Variants in HNRNPC observed in about 807,000 individuals in gnomAD.
The protein encoded by HNRNPC is heterogeneous nuclear ribonucleoproteins C1/C2.
Under a neutral mutation model 33.2 loss-of-function variants are expected in HNRNPC, and 3 were observed. The observed-to-expected ratio is 0.09, with a 90% CI of 0.04 to 0.23. HNRNPC has a LOEUF of 0.23. Ranked by LOEUF, HNRNPC falls within the 10% of genes least tolerant of loss-of-function variation. The pLI, the probability that HNRNPC is intolerant of heterozygous loss-of-function variation, is 1.00. For synonymous variants in HNRNPC, 121 were observed against 126.7 expected, an observed-to-expected ratio of 0.96 and a Z score of 0.30; for missense variants, 143 against 366.7, an observed-to-expected ratio of 0.39 and a Z score of 4.98.
intron 2 of HNRNPC, among the ~76,000 whole-genome samples, chr14:21,260,053 A>G (rs1024184238): frequency 6.8e-6 from 1 of 147,468 alleles, no homozygotes; most frequent in Non-Finnish European, 1.5e-5. Flanking sequence ...CAAAAAAATT[A>G]GCCGGGCGTA....
At chr14:21,235,913 G>GA (rs1384226599) in intron 2 of HNRNPC, among the ~76,000 whole-genome samples, 1 of 152,052 alleles carries the variant, frequency 6.6e-6, no homozygotes, top group South Asian at 2.1e-4. Flanking sequence ...GACCATAAGG[G>GA]AAAAAACCCA....
At chr14:21,258,293 G>T (rs947806737) in intron 2 of HNRNPC, among the ~76,000 whole-genome samples, 1 of 151,938 alleles carries the variant, frequency 6.6e-6, no homozygotes, top group Admixed American at 6.6e-5. Context: ...AGGAGGCGGA[G>T]GCACAAGAAT....
chr14:21,262,286 A>C (rs1878375313), intron 2 of HNRNPC, among the ~76,000 whole-genome samples: 1 of 152,238 alleles, frequency 6.6e-6, no homozygotes, highest in Admixed American at 6.5e-5. Context: ...ACTGATTTGT[A>C]ACAATCTAAA....
At chr14:21,260,118 T>C (rs1226268742) in intron 2 of HNRNPC, among the ~76,000 whole-genome samples, 1 of 140,752 alleles carries the variant, frequency 7.1e-6, no homozygotes, top group Admixed American at 7.4e-5. Flanking sequence ...GAGAATGGCG[T>C]GAACCTGGGA....
intron 3 of HNRNPC, among the ~76,000 whole-genome samples, chr14:21,233,491 T>C (rs1158446807): frequency 6.6e-6 from 1 of 152,254 alleles, no homozygotes; most frequent in East Asian, 1.9e-4. Flanking sequence ...CACTGGATTC[T>C]GGCTTGAATA....
intron 5 of HNRNPC, among the ~76,000 whole-genome samples, chr14:21,217,652 A>C (rs1433659596): frequency 6.6e-6 from 1 of 152,234 alleles, no homozygotes; most frequent in African/African-American, 2.4e-5. Flanking sequence ...AGCCAATGGC[A>C]TCAATCAATA....
At chr14:21,240,667 A>G (rs915754002) in intron 2 of HNRNPC, among the ~76,000 whole-genome samples, 4 of 152,150 alleles carry the variant, frequency 2.6e-5, no homozygotes, top group Admixed American at 2.6e-4. Context: ...GTCACAGGAG[A>G]TAGGTGCCGT....
chr14:21,230,469 C>T, intron 4 of HNRNPC, 103 bp from the exon 5 acceptor site: 1 of 776,122 alleles, frequency 1.3e-6, no homozygotes, highest in Admixed American at 2.1e-5. Context: ...ACAAATAGAT[C>T]AACAAGATTA....
Position 21,209,698 on chromosome 14 carries a change from G to A in HNRNPC, c.*1525C>T, listed in dbSNP as rs567854373. 2 of 152,264 alleles carry A rather than the reference G, an allele frequency of 1.3e-5. No individual in the cohort carries two copies. The highest frequency in any genetic ancestry group is 4.8e-5 in the African/African-American group (2 of 41,540). The allele number at this position is 152,264 out of a possible 1,614,324, so 9.4% of individuals were successfully genotyped here. The stretch of plus-strand genomic sequence containing the variant: ...GAGTTTTGCCTGTAATGAGTAGGAT[G>A]AAAAAAGGCCAGTGCCGCATGCTAT... On this transcript the variant is annotated 3_prime_UTR_variant, in exon 9 of 9. Transcript: ENST00000553300.
chr14:21,242,808 A>C (rs372552155), intron 2 of HNRNPC, among the ~76,000 whole-genome samples: 56 of 152,338 alleles, frequency 3.7e-4, no homozygotes, highest in African/African-American at 1.3e-3. Flanking sequence ...TCTTTCTAGA[A>C]TCTATATATG....
intron 2 of HNRNPC, among the ~76,000 whole-genome samples, chr14:21,237,657 G>C (rs914934840): frequency 2.6e-5 from 4 of 152,212 alleles, no homozygotes; most frequent in African/African-American, 9.6e-5. Flanking sequence ...ATGTTACGCA[G>C]ACTGTTGTTA....
At chr14:21,265,291 C>T (rs1044625537) in intron 1 of HNRNPC, 1 of 152,184 alleles carries the variant, frequency 6.6e-6, no homozygotes, top group African/African-American at 2.4e-5. Context: ...ACAGCCCAAA[C>T]CTGGTAATCA....
intron 2 of HNRNPC, among the ~76,000 whole-genome samples, chr14:21,241,529 C>A (rs1466586508): frequency 6.6e-6 from 1 of 152,112 alleles, no homozygotes; most frequent in Non-Finnish European, 1.5e-5. Context: ...ACTATAAATT[C>A]CTCTGCATAC....
chr14:21,236,046 T>A (rs901764893), intron 2 of HNRNPC, among the ~76,000 whole-genome samples: 5 of 152,084 alleles, frequency 3.3e-5, no homozygotes, highest in Non-Finnish European at 5.9e-5. Flanking sequence ...TTTTCACAAG[T>A]CTGAGTACAT....
At chr14:21,223,737 C>T (rs912572225) in intron 5 of HNRNPC, among the ~76,000 whole-genome samples, 1 of 152,058 alleles carries the variant, frequency 6.6e-6, no homozygotes, top group Non-Finnish European at 1.5e-5. Context: ...AAGAGAGCCA[C>T]ATCAGGTCTC....
At chr14:21,227,632 A>T (rs970099200) in intron 5 of HNRNPC, among the ~76,000 whole-genome samples, 2 of 152,224 alleles carry the variant, frequency 1.3e-5, no homozygotes, top group Non-Finnish European at 2.9e-5. Flanking sequence ...TTCTGTGAAG[A>T]TATTTCTGCA....
At chr14:21,212,822 C>T (rs1255490383) in intron 6 of HNRNPC, 138 bp downstream of exon 6, 11 of 1,098,338 alleles carry the variant, frequency 1.0e-5, no homozygotes, top group Middle Eastern at 3.1e-4. Context: ...GGATTACAGG[C>T]ATGAGCCACC....
intron 2 of HNRNPC, among the ~76,000 whole-genome samples, chr14:21,238,453 A>G (rs1237715113): frequency 6.6e-6 from 1 of 152,178 alleles, no homozygotes; most frequent in African/African-American, 2.4e-5. Flanking sequence ...AATCTTTACA[A>G]TCATTTTCAC....
chr14:21,261,619 G>A (rs1291643996), intron 2 of HNRNPC, among the ~76,000 whole-genome samples: 5 of 152,152 alleles, frequency 3.3e-5, no homozygotes, highest in Non-Finnish European at 7.3e-5. Flanking sequence ...TCCAGGTTAG[G>A]TGCAGTGGCT....
Sources: allele counts gnomAD v4.1 joint callset (sites outside exome capture counted in the v4.1 genomes callset), GRCh38; gene constraint gnomAD v4.1.1; transcripts MANE v1.5; gene names NCBI Gene and HGNC (gene_info 2026-07-23, HGNC 2026-07-21).